The following DGKK variants were observed in gnomAD, a reference collection of about 807,000 sequenced individuals.
DGKK encodes the protein diacylglycerol kinase kappa, also known as 142 kDa diacylglycerol kinase.
In DGKK, 35 loss-of-function variants were observed where a neutral mutation model predicts 92.2. The ratio of observed to expected loss-of-function variants is 0.38; its 90% CI spans 0.29 to 0.50. The LOEUF (loss-of-function observed/expected upper bound fraction) is 0.50. Ranked by LOEUF, DGKK falls within the 20% of genes least tolerant of loss-of-function variation. DGKK has a pLI of 0.92. For synonymous variants in DGKK, 368 were observed against 360.6 expected, an observed-to-expected ratio of 1.02 and a Z score of -0.23; for missense variants, 910 against 992.2, an observed-to-expected ratio of 0.92 and a Z score of 1.11.
intron 4 of DGKK, among the ~76,000 whole-genome samples, chrX:50,404,441 T>A (rs1925094571): frequency 9.4e-6 from 1 of 106,950 alleles, no homozygotes; most frequent in African/African-American, 3.5e-5. Context: ...GCAGGAGTAA[T>A]TATCTTTTTT....
rs1234398743 is a variant in DGKK, at chrX:50,403,326, A to G, written c.1186-143T>C. On this transcript the variant is annotated intron_variant, in intron 6 of 27. Transcript: ENST00000611977. ...TGCCCTCCCTACTCCAATGCAAGTG[A>G]ACAATGACAAGTGGAGGAGGGAGGT... is the stretch of plus-strand genomic sequence containing the variant. The G allele has an allele frequency of 4.5e-6, 4 of 896,161 alleles. No individual in the cohort carries two copies. In the East Asian group the frequency reaches 1.3e-4, roughly 30 times the overall value. 73.9% of individuals were successfully genotyped at this position (896,161 alleles called of 1,213,427 possible). A position where few individuals can be genotyped will look rare whatever the true frequency, so the allele number is the denominator to read the frequency against.
At chrX:50,450,164 T>C (rs781968544) in intron 1 of DGKK, among the ~76,000 whole-genome samples, 8 of 112,319 alleles carry the variant, frequency 7.1e-5, no homozygotes, top group East Asian at 5.6e-4. Context: ...CAAAAAGACA[T>C]TCTGTTTCTG....
Position 50,470,538 on chromosome X carries a change from G to A in DGKK, c.141C>T (p.Ser47=), listed in dbSNP as rs1447274422. 8.3e-7 allele frequency: 1 copy of A among 1,208,945 alleles called. No individual in the cohort carries two copies. Among genetic ancestry groups the A allele is most frequent in the Non-Finnish European group, 1.1e-6 (1 of 895,035 alleles). ...CTGGTATGGGTTCTGGCGAAGCCTCGGAGAGCAGCGGCGGAGCCGGCGGCG... is the reference window on the plus strand; with the variant it reads ...CTGGTATGGGTTCTGGCGAAGCCTCAGAGAGCAGCGGCGGAGCCGGCGGCG... ...PAPPPAPPLL[S]EASPEPIPEP... The change falls in exon 1 of 28, where the codon TCC becomes TCT. Residue 47 remains serine, a synonymous_variant. Transcript: ENST00000611977.
rs143802723 is a variant in DGKK, at chrX:50,415,224, T to C, written c.942+5179A>G. On this transcript the variant is annotated intron_variant, in intron 4 of 27. Coordinates refer to ENST00000611977, the MANE Select transcript of DGKK (RefSeq NM_001013742.4). ...TGTGGGGGTGATGTTGCCACTCGTGTAGGTCTGGAAGGCAGAGCATTGAGC... is the reference window on the plus strand; with the variant it reads ...TGTGGGGGTGATGTTGCCACTCGTGCAGGTCTGGAAGGCAGAGCATTGAGC... Among the ~76,000 whole-genome samples the C allele has an allele frequency of 8.7e-3, 969 of 111,935 alleles. 7 individuals are homozygous for C. The highest frequency in any genetic ancestry group is 0.037 in the Middle Eastern group (8 of 217).
At chrX:50,403,864 C>T (rs1038678299) in intron 5 of DGKK, among the ~76,000 whole-genome samples, 185 bp downstream of exon 5, 8 of 111,255 alleles carry the variant, frequency 7.2e-5, no homozygotes, top group African/African-American at 2.6e-4. Flanking sequence ...CCCATCCCCC[C>T]ACACTCATCC....
At position 50,376,009 on chromosome X, in the gene DGKK, C is replaced by T. The variant is rs1393108910; in HGVS notation, c.3414+15G>A. ...TGGTTTGACTCCTTTCCTTAATTCA[C>T]TCCTTTCTACTTACTTCAATGGGAA... On this transcript the variant is annotated intron_variant, in intron 24 of 27. Coordinates refer to ENST00000611977, the MANE Select transcript of DGKK (RefSeq NM_001013742.4). The T allele has an allele frequency of 8.3e-7, 1 of 1,203,401 alleles. No homozygotes were observed. Among genetic ancestry groups the T allele is most frequent in the Non-Finnish European group, 1.1e-6 (1 of 891,475 alleles).
chrX:50,451,292 C>T (rs1268921929), intron 1 of DGKK, among the ~76,000 whole-genome samples: 1 of 110,919 alleles, frequency 9.0e-6, no homozygotes, highest in Non-Finnish European at 1.9e-5. Context: ...TAAGTTTCTC[C>T]AGCAATTTCT....
chrX:50,396,442 G>A (rs781960715), intron 8 of DGKK, among the ~76,000 whole-genome samples: 1 of 112,137 alleles, frequency 8.9e-6, no homozygotes, highest in African/African-American at 3.2e-5. Flanking sequence ...ACTGAACCAT[G>A]TGAATATATT....
Position 50,371,817 on chromosome X carries a change from A to G in DGKK, c.3519T>C (p.Asp1173=), listed in dbSNP as rs782249436. 16 of 1,194,199 alleles carry G rather than the reference A, an allele frequency of 1.3e-5. No individual in the cohort carries two copies. In the African/African-American group the frequency reaches 2.5e-4, roughly 18 times the overall value. The stretch of plus-strand genomic sequence containing the variant: ...CCAGGGCGCTTTGTAGTGCAGTCTC[A>G]TCCTCAGCACTTCTCAGCTGGTACA... ...LDEKLLRSAE[D]ETALQSALDA... is the part of the protein sequence containing the mutation. The change falls in exon 26 of 28, where the codon GAT becomes GAC. Residue 1173 remains aspartate, a synonymous_variant. Transcript: ENST00000611977.
At chrX:50,370,240 C>T (rs1449311222) in intron 27 of DGKK, among the ~76,000 whole-genome samples, 186 bp downstream of exon 27, 1 of 111,410 alleles carries the variant, frequency 9.0e-6, no homozygotes, top group Non-Finnish European at 1.9e-5. Context: ...TACCAGTGTC[C>T]ATATCACTTT....
At chrX:50,424,686 G>C (rs782597751) in intron 1 of DGKK, among the ~76,000 whole-genome samples, 3 of 112,007 alleles carry the variant, frequency 2.7e-5, no homozygotes, top group Non-Finnish European at 5.6e-5. Context: ...AAGAATGCGT[G>C]GTAGAGGAAA....
chrX:50,370,669 A>C, intron 26 of DGKK, 120 bp from the exon 27 acceptor site: 1 of 803,842 alleles, frequency 1.2e-6, no homozygotes, highest in Non-Finnish European at 1.7e-6. Context: ...TCTGCTCTCT[A>C]TCCAGGTATG....
At chrX:50,430,870 T>A (rs1291971316) in intron 1 of DGKK, among the ~76,000 whole-genome samples, 1 of 111,606 alleles carries the variant, frequency 9.0e-6, no homozygotes, top group Admixed American at 9.5e-5. Context: ...TATAAAATAT[T>A]TCAACAGAGT....
intron 1 of DGKK, among the ~76,000 whole-genome samples, chrX:50,429,184 T>A (rs1925818713): frequency 9.0e-6 from 1 of 111,517 alleles, no homozygotes; most frequent in Non-Finnish European, 1.9e-5. Context: ...ACGTCTGACT[T>A]CCAGACAGTA....
At chrX:50,408,616 C>T (rs782368637) in intron 4 of DGKK, among the ~76,000 whole-genome samples, 4 of 110,766 alleles carry the variant, frequency 3.6e-5, no homozygotes, top group African/African-American at 6.6e-5. Context: ...ATCTCCTGAC[C>T]TCGTGATCCG....
intron 1 of DGKK, among the ~76,000 whole-genome samples, chrX:50,469,410 C>A (rs913563846): frequency 2.7e-5 from 3 of 113,020 alleles, no homozygotes; most frequent in Middle Eastern, 4.2e-3. Flanking sequence ...TCCCGGAGAA[C>A]CCTGCCCTTC....
chrX:50,418,534 T>C (rs1925492961), intron 4 of DGKK, among the ~76,000 whole-genome samples: 1 of 111,880 alleles, frequency 8.9e-6, no homozygotes, highest in Admixed American at 9.5e-5. Flanking sequence ...TGACAGAAGA[T>C]AGAAGGGACC....
chrX:50,401,006 G>A (rs1924988407), intron 8 of DGKK, 31 bp downstream of exon 8: 2 of 1,147,977 alleles, frequency 1.7e-6, no homozygotes, highest in Non-Finnish European at 2.4e-6. Flanking sequence ...CATGCCCAAT[G>A]TGCTTCTGAG....
At chrX:50,450,783 A>T (rs1926476907) in intron 1 of DGKK, among the ~76,000 whole-genome samples, 1 of 111,566 alleles carries the variant, frequency 9.0e-6, no homozygotes, top group African/African-American at 3.3e-5. Flanking sequence ...TCACCTAGAG[A>T]TGGAGAGTTG....
Sources: allele counts gnomAD v4.1 joint callset (sites outside exome capture counted in the v4.1 genomes callset), GRCh38; gene constraint gnomAD v4.1.1; transcripts MANE v1.5; gene names NCBI Gene and HGNC (gene_info 2026-07-23, HGNC 2026-07-21).